The following NELL2 variants were observed in gnomAD, a reference collection of about 807,000 sequenced individuals.
NELL2 encodes the protein neural EGFL like 2.
In NELL2, 41 loss-of-function variants were observed where a neutral mutation model predicts 109.6. That is an observed-to-expected ratio of 0.37 (90% CI 0.29 to 0.49). The LOEUF (loss-of-function observed/expected upper bound fraction) is 0.49. Ranked by LOEUF, NELL2 falls within the 20% of genes least tolerant of loss-of-function variation. The probability of loss-of-function intolerance (pLI) is 0.98; values close to 1 mark genes in which losing one functional copy is unlikely to be tolerated. For synonymous variants in NELL2, 355 were observed against 344.7 expected, an observed-to-expected ratio of 1.03 and a Z score of -0.33; for missense variants, 900 against 1,008.3, an observed-to-expected ratio of 0.89 and a Z score of 1.45.
At chr12:44,882,972 C>CTGAG (rs1945432585) in intron 1 of NELL2, among the ~76,000 whole-genome samples, 1 of 148,758 alleles carries the variant, frequency 6.7e-6, no homozygotes, top group Admixed American at 6.8e-5. Flanking sequence ...TCCCAAGTAA[C>CTGAG]TGAGACTACA....
chr12:44,856,783 T>C (rs950562035), intron 2 of NELL2, among the ~76,000 whole-genome samples: 1 of 152,186 alleles, frequency 6.6e-6, no homozygotes, highest in African/African-American at 2.4e-5. Flanking sequence ...CTCTGTCTTT[T>C]ATTTTGAGTG....
At position 44,665,548 on chromosome 12, in the gene NELL2, G is replaced by A. The variant is rs201867748; in HGVS notation, c.1380C>T (p.Thr460=). The change falls in exon 13 of 20, where the codon ACC becomes ACT. Residue 460 remains threonine, a synonymous_variant. Transcript: ENST00000429094. The stretch of plus-strand genomic sequence containing the variant: ...TGCAGATGCACATAAAAGAACCCGG[G>A]GTGTTGACACACATTGTATTTTCAC... The part of the protein sequence containing the change: ...YCRENTMCVN[T]PGSFMCICKT... The A allele has an allele frequency of 2.1e-5, 34 of 1,613,438 alleles. No individual in the cohort carries two copies. The highest frequency in any genetic ancestry group is 2.9e-5 in the Non-Finnish European group (34 of 1,179,470).
At chr12:44,748,290 C>CA (rs1400577814) in intron 9 of NELL2, among the ~76,000 whole-genome samples, 2 of 152,056 alleles carry the variant, frequency 1.3e-5, no homozygotes, top group Non-Finnish European at 2.9e-5. Context: ...ATGTACTCAA[C>CA]AACAACAACA....
chr12:44,591,054 G>A (rs1326773530), intron 15 of NELL2, among the ~76,000 whole-genome samples: 1 of 152,086 alleles, frequency 6.6e-6, no homozygotes, highest in African/African-American at 2.4e-5. Context: ...TCAGGGAAAT[G>A]CAAACCAAAA....
At chr12:44,711,981 AT>A (rs1470350639) in intron 10 of NELL2, among the ~76,000 whole-genome samples, 2 of 152,016 alleles carry the variant, frequency 1.3e-5, no homozygotes, top group African/African-American at 4.8e-5. Flanking sequence ...GAATAAATCA[AT>A]GTAAAATCAC....
At chr12:44,914,876 G>A (rs960793954), upstream of NELL2, among the ~76,000 whole-genome samples, 1 of 150,986 alleles carries the variant, frequency 6.6e-6, no homozygotes, top group African/African-American at 2.4e-5. Flanking sequence ...TTGAGACAGA[G>A]TCTCCATCTG....
chr12:44,600,440 A>G (rs1375624268), intron 15 of NELL2, among the ~76,000 whole-genome samples: 9 of 152,108 alleles, frequency 5.9e-5, no homozygotes, highest in Admixed American at 2.6e-4. Flanking sequence ...AACAAAAACA[A>G]TTTCAGTATA....
chr12:44,512,553 C>G (rs1201059723), intron 19 of NELL2, among the ~76,000 whole-genome samples: 1 of 151,616 alleles, frequency 6.6e-6, no homozygotes, highest in Non-Finnish European at 1.5e-5. Flanking sequence ...TCACAATCAC[C>G]AAGATATGTA....
intron 15 of NELL2, among the ~76,000 whole-genome samples, chr12:44,588,606 T>A (rs1944632696): frequency 6.6e-6 from 1 of 152,162 alleles, no homozygotes; most frequent in African/African-American, 2.4e-5. Context: ...TTAGGCAAAA[T>A]CAAAGGAAAG....
chr12:44,681,463 A>T (rs1284487753), intron 12 of NELL2, among the ~76,000 whole-genome samples: 2 of 151,646 alleles, frequency 1.3e-5, no homozygotes, highest in Non-Finnish European at 2.9e-5. Context: ...CATGTGCACA[A>T]TGTGCAGGTT....
intron 12 of NELL2, among the ~76,000 whole-genome samples, chr12:44,694,554 C>T (rs1168451771): frequency 6.6e-6 from 1 of 151,320 alleles, no homozygotes; most frequent in East Asian, 1.9e-4. Flanking sequence ...CACACACATC[C>T]TGTTTGTTCT....
chr12:44,593,790 G>T (rs1050446960), intron 15 of NELL2, among the ~76,000 whole-genome samples: 2 of 152,176 alleles, frequency 1.3e-5, no homozygotes, highest in African/African-American at 4.8e-5. Flanking sequence ...AGTACAGTTT[G>T]AAGTCAGGTA....
rs143710684 is a variant in NELL2, at chr12:44,605,204, G to T, written c.1663+1965C>A. Among the ~76,000 whole-genome samples, 14 of 152,204 alleles carry T rather than the reference G, an allele frequency of 9.2e-5. No individual in the cohort carries two copies. In the East Asian group the frequency reaches 2.7e-3, roughly 29 times the overall value. ...TGGATTTGGGAGCAGAATGACCTTT[G>T]TATCAGCTTCTAACTCTGATGCTAG... On this transcript the variant is annotated intron_variant, in intron 15 of 19. Transcript: ENST00000429094.
intron 15 of NELL2, among the ~76,000 whole-genome samples, chr12:44,583,425 T>G (rs990108647): frequency 2.0e-5 from 3 of 152,212 alleles, no homozygotes; most frequent in Admixed American, 6.5e-5. Context: ...GTAAAACTTA[T>G]GAGAGCAGAG....
At chr12:44,623,067 G>A (rs184630954) in intron 13 of NELL2, among the ~76,000 whole-genome samples, 1 of 152,200 alleles carries the variant, frequency 6.6e-6, no homozygotes, top group East Asian at 1.9e-4. Context: ...TTGCAGTGGT[G>A]TGTTTATTGA....
rs573789796 is a variant in NELL2 at position 44,896,822 on chromosome 12, A to T, written c.38+16977T>A. Among the ~76,000 whole-genome samples the T allele has an allele frequency of 2.0e-5, 3 of 152,332 alleles. No individual in the cohort carries two copies. The South Asian group carries it at 6.2e-4, about 32-fold the overall frequency. ...CAAAAGTTTTCTCCCTGTCTAAAGA[A>T]TGAAAGTCAACTTTAGATGCACGAG... On this transcript the variant is annotated intron_variant, in intron 1 of 20. Transcript: ENST00000333837.
chr12:44,516,901 C>CTT (rs5797903), intron 19 of NELL2, among the ~76,000 whole-genome samples: 47 of 135,112 alleles, frequency 3.5e-4, no homozygotes, highest in African/African-American at 9.2e-4. Context: ...GTAGTTGTGA[C>CTT]TTTTTTTTTT....
Position 44,714,671 on chromosome 12 carries a change from T to A in NELL2, c.1065A>T (p.Val355=). 1 of 1,597,266 alleles carries A rather than the reference T, an allele frequency of 6.3e-7. No individual in the cohort carries two copies. The highest frequency in any genetic ancestry group is 8.5e-7 in the Non-Finnish European group (1 of 1,173,704). The stretch of plus-strand genomic sequence containing the variant: ...TTACCTTGCACTCATAGAGAACACA[T>A]ACTCCAGAAGAGGAATAGACTGTAT... ...ERNTVYSSSG[V]CVLYECKDQT... is the part of the protein sequence containing the mutation. Residue 355 remains valine (V), a synonymous_variant, in exon 10 of 20, where the codon GTA becomes GTT. Transcript: ENST00000429094.
At chr12:44,628,736 G>T (rs1222457900) in intron 13 of NELL2, among the ~76,000 whole-genome samples, 1 of 152,040 alleles carries the variant, frequency 6.6e-6, no homozygotes, top group Non-Finnish European at 1.5e-5. Flanking sequence ...TTACTAATCT[G>T]CCTGCTCGCC....
Sources: allele counts gnomAD v4.1 joint callset (sites outside exome capture counted in the v4.1 genomes callset), GRCh38; gene constraint gnomAD v4.1.1; transcripts MANE v1.5; gene names NCBI Gene and HGNC (gene_info 2026-07-23, HGNC 2026-07-21).